The following EEF2 variants were observed in gnomAD, a reference collection of about 807,000 sequenced individuals.
The protein encoded by EEF2 is eukaryotic translation elongation factor 2.
EEF2 carries 21 observed loss-of-function variants against 85.3 expected under a neutral mutation model. That is an observed-to-expected ratio of 0.25 (90% CI 0.17 to 0.35). The LOEUF is 0.35. Ranked by LOEUF, EEF2 falls within the 10% of genes least tolerant of loss-of-function variation. The pLI is 1.00. For synonymous variants in EEF2, 723 were observed against 508.8 expected (o/e 1.42, Z -5.67); for missense variants, 825 against 1,225.3 (o/e 0.67, Z 4.88).
rs563082396 is a variant in EEF2, at chr19:3,985,435, C to A, written c.-55G>T. The A allele has an allele frequency of 2.4e-5, 35 of 1,455,424 alleles. No individual in the cohort carries two copies. Among genetic ancestry groups the A allele is most frequent in the East Asian group, 8.2e-5 (3 of 36,480 alleles). The allele number at this position is 1,455,424 out of a possible 1,614,324, so 90.2% of individuals were successfully genotyped here. A position where few individuals can be genotyped will look rare whatever the true frequency, so the allele number is the denominator to read the frequency against. On this transcript the variant is annotated 5_prime_UTR_variant, in exon 1 of 15. Transcript: ENST00000309311. ...TAGAACCGAAAGAAGCGAGTCGCGC[C>A]GAGGATGGCGGCGACGACGGCGGAA...
chr19:3,981,898 G>A (rs371383368), intron 6 of EEF2, 49 bp downstream of exon 6: 104 of 1,570,150 alleles, frequency 6.6e-5, no homozygotes, highest in Middle Eastern at 1.9e-4. Flanking sequence ...CCACAGGGCC[G>A]AGGGCCAATA....
intron 11 of EEF2, 120 bp from the exon 12 acceptor site, chr19:3,978,292 A>C (rs1000492123): frequency 1.2e-6 from 1 of 808,698 alleles, no homozygotes; most frequent in Non-Finnish European, 1.8e-6. Context: ...GAGCCACGTC[A>C]ATCAGAACGA....
chr19:3,976,824 G>A (rs964480138), intron 14 of EEF2, 77 bp from the exon 15 acceptor site: 1 of 1,416,234 alleles, frequency 7.1e-7, no homozygotes, highest in Non-Finnish European at 9.3e-7. Context: ...CAGGAGCTCA[G>A]GCTAGTTCCT....
chr19:3,978,363 G>A (rs1375981617), intron 11 of EEF2, among the ~76,000 whole-genome samples, 191 bp from the exon 12 acceptor site: 1 of 152,176 alleles, frequency 6.6e-6, no homozygotes, highest in Non-Finnish European at 1.5e-5. Context: ...AGGAGCAGGG[G>A]CTCCACTGAG....
intron 9 of EEF2, among the ~76,000 whole-genome samples, 166 bp downstream of exon 9, chr19:3,980,348 G>A (rs985160300): frequency 6.6e-6 from 1 of 152,268 alleles, no homozygotes; most frequent in African/African-American, 2.4e-5. Flanking sequence ...AGCTTCTCCA[G>A]AAATGCCCTC....
In EEF2 at chr19:3,980,832, A is replaced by C; in HGVS notation, c.1150+9T>G. 2.5e-6 allele frequency: 4 copies of C among 1,571,270 alleles called. No individual in the cohort carries two copies. The highest frequency in any genetic ancestry group is 3.4e-6 in the Non-Finnish European group (4 of 1,159,754). ...TGCATCTCAGGGCCCGGCCACCGGGACCACGTACCCATGGCAGCCTCGTCG... is the reference window on the plus strand; with the variant it reads ...TGCATCTCAGGGCCCGGCCACCGGGCCCACGTACCCATGGCAGCCTCGTCG... On this transcript the variant is annotated intron_variant, in intron 8 of 14. Transcript: ENST00000309311.
intron 1 of EEF2, 43 bp downstream of exon 1, chr19:3,985,334 GC>G: frequency 2.1e-6 from 3 of 1,438,904 alleles, no homozygotes; most frequent in Admixed American, 2.8e-5. Context: ...CCCCGCGGAG[GC>G]CCCGCCGCCG....
At chr19:3,982,199 C>T (rs1424329489) in intron 5 of EEF2, 47 bp downstream of exon 5, 6 of 1,609,116 alleles carry the variant, frequency 3.7e-6, no homozygotes, top group Admixed American at 1.7e-5. Flanking sequence ...GTCGCTGCCA[C>T]TACCCCCAGG....
At position 3,984,312 on chromosome 19, in the gene EEF2, G is replaced by C. The variant is rs780490428; in HGVS notation, c.42C>G (p.Asp14Glu). 11 of 1,614,218 alleles carry C rather than the reference G, an allele frequency of 6.8e-6. No individual in the cohort carries two copies. Among genetic ancestry groups the C allele is most frequent in the Middle Eastern group, 1.6e-4 (1 of 6,062 alleles). Residue 14 changes from aspartate to glutamate, a missense_variant, in exon 2 of 15, where the codon GAC becomes GAG. Physicochemically the swap from Asp to Glu is conservative, Grantham distance 45. Transcript: ENST00000309311. ...ACATGTTGCGGATGTTGGCCTTCTT[G>C]TCCATGATGGCGCGGATCTGGTCTA... is the stretch of plus-strand genomic sequence containing the variant. The part of the protein sequence containing the change: ...FTVDQIRAIM[D>E]KKANIRNMSV...
chr19:3,980,143 C>G (rs1323470997), intron 9 of EEF2, 77 bp from the exon 10 acceptor site: 2 of 1,538,912 alleles, frequency 1.3e-6, no homozygotes, highest in African/African-American at 1.4e-5. Context: ...AGGTCCCTCC[C>G]GGAGTTGGTG....
rs775073569 is a variant in EEF2, at chr19:3,982,413, G to A, written c.624C>T (p.Val208=). 10 of 1,613,980 alleles carry A rather than the reference G, an allele frequency of 6.2e-6. No homozygotes were observed. Among genetic ancestry groups the A allele is most frequent in the East Asian group, 2.2e-5 (1 of 44,900 alleles). Residue 208 remains valine (V), a synonymous_variant, in exon 5 of 15, where the codon GTC becomes GTT. Coordinates refer to ENST00000309311, the MANE Select transcript of EEF2 (RefSeq NM_001961.4). ...GPMGNIMIDP[V]LGTVGFGSGL... ...CAGACCCAAAGCCCACGGTACCGAG[G>A]ACAGGATCGATCTGGAAGTGTGAGA...
At chr19:3,981,288 GA>G (rs762961652) in intron 7 of EEF2, 50 bp downstream of exon 7, 2 of 1,568,400 alleles carry the variant, frequency 1.3e-6, no homozygotes, top group South Asian at 2.2e-5. Context: ...AGAGCATCCG[GA>G]AACAGCAGCC....
rs1176364992 is a variant in EEF2, at chr19:3,982,431, G to A, written c.613-7C>T. On this transcript the variant is annotated splice_region_variant and splice_polypyrimidine_tract_variant and intron_variant, in intron 4 of 14. Coordinates refer to ENST00000309311, the MANE Select transcript of EEF2 (RefSeq NM_001961.4). ...TACCGAGGACAGGATCGATCTGGAA[G>A]TGTGAGAAACGAGAAGCAGCCGTGA... is the stretch of plus-strand genomic sequence containing the variant. 1.2e-6 allele frequency: 2 copies of A among 1,614,012 alleles called. No individual in the cohort carries two copies. The highest frequency in any genetic ancestry group is 1.7e-6 in the Non-Finnish European group (2 of 1,180,046).
intron 7 of EEF2, 89 bp from the exon 8 acceptor site, chr19:3,981,068 G>C: frequency 6.7e-7 from 1 of 1,491,580 alleles, no homozygotes; most frequent in Non-Finnish European, 8.9e-7. Context: ...AGCCAAGGAA[G>C]CCAAAGTCAG....
Position 3,985,449 on chromosome 19 carries a change from A to G in EEF2, c.-69T>C, listed in dbSNP as rs2039809157. The G allele has an allele frequency of 7.0e-7, 1 of 1,428,522 alleles. No individual in the cohort carries two copies. The highest frequency in any genetic ancestry group is 9.2e-7 in the Non-Finnish European group (1 of 1,082,926). The allele number at this position is 1,428,522 out of a possible 1,614,324, so 88.5% of individuals were successfully genotyped here. On this transcript the variant is annotated 5_prime_UTR_variant, in exon 1 of 15. Transcript: ENST00000309311. ...GCGAGTCGCGCCGAGGATGGCGGCG[A>G]CGACGGCGGAAGAGAACGCTGACGT... is the stretch of plus-strand genomic sequence containing the variant.
intron 11 of EEF2, among the ~76,000 whole-genome samples, chr19:3,978,418 A>G (rs2039703044): frequency 6.6e-6 from 1 of 152,176 alleles, no homozygotes. Context: ...TTAAGCATTA[A>G]CAGGGAAGAA....
At chr19:3,983,852 G>T in intron 2 of EEF2, 1 of 486,596 alleles carries the variant, frequency 2.1e-6, no homozygotes, top group Non-Finnish European at 3.7e-6. Flanking sequence ...AGGTGTGACA[G>T]CCAAACCTCT....
intron 5 of EEF2, 68 bp downstream of exon 5, chr19:3,982,178 C>A: frequency 6.2e-7 from 1 of 1,603,302 alleles, no homozygotes; most frequent in Non-Finnish European, 8.5e-7. Context: ...AATAGCACAC[C>A]ACGCCCCTAC....
At chr19:3,984,450 A>AG (rs1555684932) in intron 1 of EEF2, 100 bp from the exon 2 acceptor site, 1 of 1,347,590 alleles carries the variant, frequency 7.4e-7, no homozygotes, top group Non-Finnish European at 1.0e-6. Flanking sequence ...CAAGGCCAGG[A>AG]GGGGGTTGGT....
Sources: allele counts gnomAD v4.1 joint callset (sites outside exome capture counted in the v4.1 genomes callset), GRCh38; gene constraint gnomAD v4.1.1; transcripts MANE v1.5; gene names NCBI Gene and HGNC (gene_info 2026-07-23, HGNC 2026-07-21).